Variants in MAP3K19 observed in about 807,000 individuals in gnomAD.
MAP3K19 encodes the protein SPS1/STE20-related protein kinase YSK4.
Under a neutral mutation model 114.4 loss-of-function variants are expected in MAP3K19, and 91 were observed. The ratio of observed to expected loss-of-function variants is 0.80; its 90% CI spans 0.67 to 0.95. MAP3K19 has a LOEUF of 0.95. MAP3K19 is among the 40% of genes least tolerant of loss of function. MAP3K19 has a pLI of 0.00. For synonymous variants in MAP3K19, 518 were observed against 530.5 expected, an observed-to-expected ratio of 0.98 and a Z score of 0.32; for missense variants, 1,471 against 1,573.2, an observed-to-expected ratio of 0.94 and a Z score of 1.10.
chr2:135,024,249 T>G (rs1343807803), intron 4 of MAP3K19, among the ~76,000 whole-genome samples: 1 of 152,230 alleles, frequency 6.6e-6, no homozygotes, highest in African/African-American at 2.4e-5. Flanking sequence ...ACACTTTTCA[T>G]TATACTTCTT....
chr2:135,013,784 T>C (rs1421119792), intron 5 of MAP3K19, among the ~76,000 whole-genome samples: 1 of 151,976 alleles, frequency 6.6e-6, no homozygotes, highest in Non-Finnish European at 1.5e-5. Context: ...CCCAATCATC[T>C]GAGCTCTTTG....
chr2:135,036,680 T>A (rs995785336), intron 2 of MAP3K19, among the ~76,000 whole-genome samples: 29 of 141,508 alleles, frequency 2.0e-4, no homozygotes, highest in African/African-American at 3.5e-4. Flanking sequence ...TGTGTGTGTG[T>A]GATATGTGCT....
At chr2:135,012,775 C>G (rs2105339730) in intron 5 of MAP3K19, among the ~76,000 whole-genome samples, 1 of 152,284 alleles carries the variant, frequency 6.6e-6, no homozygotes, top group African/African-American at 2.4e-5. Context: ...TTCTTATGCC[C>G]TGCCTCCATC....
At chr2:135,032,229 C>T (rs1038936546) in intron 2 of MAP3K19, among the ~76,000 whole-genome samples, 18 of 151,830 alleles carry the variant, frequency 1.2e-4, no homozygotes, top group Middle Eastern at 3.4e-3. Context: ...CAGTGGCAGG[C>T]GCCTGTAATC....
intron 5 of MAP3K19, among the ~76,000 whole-genome samples, chr2:135,020,913 A>G (rs1282046935): frequency 6.6e-6 from 1 of 152,202 alleles, no homozygotes. Context: ...TTTATAAATT[A>G]CCCAGTCTCA....
chr2:135,027,931 C>T (rs1357263897), intron 3 of MAP3K19, among the ~76,000 whole-genome samples: 1 of 152,120 alleles, frequency 6.6e-6, no homozygotes, highest in Non-Finnish European at 1.5e-5. Context: ...ATCAGGGACA[C>T]CCTGTTAAAA....
In MAP3K19 at chr2:134,981,325, A is replaced by C. The variant is rs754685070; in HGVS notation, c.3416T>G (p.Phe1139Cys). ...TGAGCCACCAGGAACAAACTCCATGAAAATGCTCACAGTGTTCTCTTGCAA... is the reference window on the plus strand; with the variant it reads ...TGAGCCACCAGGAACAAACTCCATGCAAATGCTCACAGTGTTCTCTTGCAA... ...TCLQENTVSIFMEFVPGGSIS... is the reference protein window; with the variant it reads ...TCLQENTVSICMEFVPGGSIS... Residue 1139 changes from phenylalanine (F) to cysteine (C), a missense_variant, in exon 12 of 13, where the codon TTC becomes TGC. Transcript: ENST00000392915. The C allele has an allele frequency of 3.7e-6, 6 of 1,614,140 alleles. No homozygotes were observed. Among genetic ancestry groups the C allele is most frequent in the Non-Finnish European group, 5.1e-6 (6 of 1,180,054 alleles).
At chr2:135,031,266 G>C (rs904039124) in intron 2 of MAP3K19, among the ~76,000 whole-genome samples, 8 of 152,094 alleles carry the variant, frequency 5.3e-5, no homozygotes, top group African/African-American at 1.9e-4. Flanking sequence ...AGATATCTTG[G>C]AGAGTCTGCG....
rs775971841 is a variant in MAP3K19 at position 134,987,624 on chromosome 2, A to C, written c.1248T>G (p.Ala416=). Residue 416 remains alanine (A), a synonymous_variant, in exon 10 of 13, where the codon GCT becomes GCG. Transcript: ENST00000392915. The part of the protein sequence containing the change: ...QDEEMRNNKA[A]SKRVSLHKNE... ...TTTTATGTAATGAAACTCTTTTTGAAGCAGCTTTATTATTTCTCATCTCTT... is the reference window on the plus strand; with the variant it reads ...TTTTATGTAATGAAACTCTTTTTGACGCAGCTTTATTATTTCTCATCTCTT... 6.2e-7 allele frequency: 1 copy of C among 1,614,010 alleles called. No homozygotes were observed.
chr2:135,009,769 G>A (rs1299725116), intron 5 of MAP3K19, among the ~76,000 whole-genome samples: 2 of 152,002 alleles, frequency 1.3e-5, no homozygotes, highest in African/African-American at 2.4e-5. Context: ...CATTTATCTC[G>A]GAGGTTGCAA....
At chr2:135,013,558 A>C (rs1459081155) in intron 5 of MAP3K19, among the ~76,000 whole-genome samples, 1 of 152,128 alleles carries the variant, frequency 6.6e-6, no homozygotes, top group African/African-American at 2.4e-5. Flanking sequence ...CAGTGCCCTA[A>C]AAATCTTCTT....
At chr2:134,998,695 G>T (rs58663889) in intron 8 of MAP3K19, 43 bp downstream of exon 8, 119,425 of 1,546,938 alleles carry the variant, frequency 0.077, 6,684 homozygotes, top group South Asian at 0.21. Context: ...ATAAATATTT[G>T]TTGACCAAAA....
chr2:135,028,557 CA>C (rs60216707), intron 3 of MAP3K19, among the ~76,000 whole-genome samples: 34,018 of 106,888 alleles, frequency 0.32, 4,873 homozygotes, highest in African/African-American at 0.48. Flanking sequence ...GACTCTGTCT[CA>C]AAAAAAAAAA....
intron 10 of MAP3K19, among the ~76,000 whole-genome samples, chr2:134,984,306 C>A (rs187021683): frequency 2.4e-4 from 36 of 152,280 alleles, no homozygotes; most frequent in Non-Finnish European, 4.0e-4. Flanking sequence ...TAGAGACACA[C>A]AAACTCATAC....
intron 9 of MAP3K19, chr2:134,991,272 G>A (rs1247201618): frequency 7.2e-6 from 3 of 419,416 alleles, no homozygotes; most frequent in East Asian, 5.1e-5. Flanking sequence ...CTGCACTCTA[G>A]CCTGGGTGAC....
At position 134,988,074 on chromosome 2, in the gene MAP3K19, TC is replaced by T. The variant is rs1685296639; in HGVS notation, c.797del (p.Gly266GlufsTer3). On this transcript the variant is annotated frameshift_variant, in exon 10 of 13. Coordinates refer to ENST00000392915, the MANE Select transcript of MAP3K19 (RefSeq NM_025052.5). LOFTEE classifies it high-confidence loss of function. ...GATCCATCAACGACTTAACTAGGGC[TC>T]CCGGAGGCTCGTTTGATGGGCTGAG... ...DELSPSNEPPGALVKSLMDPT... is the reference protein window; with the variant it reads ...DELSPSNEPPXALVKSLMDPT... 1 of 1,613,592 alleles carries T rather than the reference TC, an allele frequency of 6.2e-7. No individual in the cohort carries two copies.
intron 12 of MAP3K19, among the ~76,000 whole-genome samples, chr2:134,976,257 TC>T (rs1228376104): frequency 6.6e-6 from 1 of 152,096 alleles, no homozygotes; most frequent in Non-Finnish European, 1.5e-5. Flanking sequence ...AGGTGTGAGC[TC>T]CCTCTCCGGA....
chr2:135,046,604 T>C (rs1349089602), intron 1 of MAP3K19, among the ~76,000 whole-genome samples: 1 of 152,232 alleles, frequency 6.6e-6, no homozygotes, highest in Non-Finnish European at 1.5e-5. Context: ...TCAATGATTT[T>C]TGAGGAATAG....
intron 9 of MAP3K19, among the ~76,000 whole-genome samples, chr2:134,990,324 C>T (rs1025891329): frequency 1.3e-5 from 2 of 152,160 alleles, no homozygotes; most frequent in Admixed American, 6.5e-5. Flanking sequence ...TGTGACAGCA[C>T]GACCAAGCCC....
Sources: gnomAD v4.1 joint callset for allele counts (sites outside exome capture counted in the v4.1 genomes callset) on GRCh38, gnomAD v4.1.1 for gene constraint, MANE v1.5 for transcripts, NCBI Gene and HGNC (gene_info 2026-07-23, HGNC 2026-07-21) for gene names.